The following SH3PXD2A variants were observed in gnomAD, a reference collection of about 807,000 sequenced individuals.
The protein encoded by SH3PXD2A is SH3 and PX domain-containing protein 2A.
SH3PXD2A carries 32 observed loss-of-function variants against 115.2 expected under a neutral mutation model. That is an observed-to-expected ratio of 0.28 (90% CI 0.21 to 0.37). SH3PXD2A has a LOEUF of 0.37. Among genes scored for constraint, SH3PXD2A ranks in the 10% least tolerant of loss-of-function variants. The pLI, the probability that SH3PXD2A is intolerant of heterozygous loss-of-function variation, is 1.00. For missense variants in SH3PXD2A, 1,328 were observed against 1,498.7 expected (o/e 0.89, Z 1.88); for synonymous variants, 610 against 629.1 (o/e 0.97, Z 0.45).
At chr10:103,664,677 T>TA (rs2037360864) in intron 7 of SH3PXD2A, among the ~76,000 whole-genome samples, 1 of 151,218 alleles carries the variant, frequency 6.6e-6, no homozygotes, top group Non-Finnish European at 1.5e-5. Flanking sequence ...TCTCTTTTTT[T>TA]TTTTTTTGAG....
chr10:103,701,274 A>C (rs2134142745), intron 5 of SH3PXD2A, among the ~76,000 whole-genome samples: 1 of 127,382 alleles, frequency 7.9e-6, no homozygotes, highest in Non-Finnish European at 1.6e-5. Flanking sequence ...TCCATCCATC[A>C]TCTATCCATT....
At chr10:103,735,866 C>T in intron 3 of SH3PXD2A, 58 bp from the exon 4 acceptor site, 1 of 1,299,562 alleles carries the variant, frequency 7.7e-7, no homozygotes, top group Non-Finnish European at 1.1e-6. Flanking sequence ...CAGAGACCTT[C>T]TCATTCCCCT....
At chr10:103,636,766 C>A (rs531030022) in intron 8 of SH3PXD2A, among the ~76,000 whole-genome samples, 4 of 152,228 alleles carry the variant, frequency 2.6e-5, no homozygotes, top group African/African-American at 9.6e-5. Context: ...GGGGAGACCC[C>A]CCACTCCTTC....
chr10:103,836,483 C>T (rs893843379), intron 1 of SH3PXD2A, among the ~76,000 whole-genome samples: 2 of 151,658 alleles, frequency 1.3e-5, no homozygotes, highest in Non-Finnish European at 2.9e-5. Flanking sequence ...CACAAACTCA[C>T]ACACAGACAC....
intron 8 of SH3PXD2A, among the ~76,000 whole-genome samples, chr10:103,647,250 T>G (rs542206484): frequency 2.9e-4 from 44 of 152,260 alleles, no homozygotes; most frequent in Non-Finnish European, 5.0e-4. Context: ...TAGATTGGAT[T>G]TGGATGTCTC....
intron 1 of SH3PXD2A, among the ~76,000 whole-genome samples, chr10:103,841,879 C>G (rs7915079): frequency 0.24 from 35,892 of 152,060 alleles, 4,389 homozygotes; most frequent in Admixed American, 0.24. Context: ...AATCCCAGCA[C>G]TCTGGGAGGC....
At chr10:103,614,063 C>T (rs2036470929) in intron 11 of SH3PXD2A, among the ~76,000 whole-genome samples, 1 of 151,220 alleles carries the variant, frequency 6.6e-6, no homozygotes, top group South Asian at 2.1e-4. Flanking sequence ...GGCTACATAG[C>T]AAGATCTCAT....
At chr10:103,659,405 T>C (rs909485145) in intron 8 of SH3PXD2A, among the ~76,000 whole-genome samples, 2 of 152,210 alleles carry the variant, frequency 1.3e-5, no homozygotes, top group Non-Finnish European at 2.9e-5. Context: ...CCTTTCCTGA[T>C]GCAAGCTCTA....
chr10:103,611,314 G>A (rs1322823941), intron 13 of SH3PXD2A, among the ~76,000 whole-genome samples: 1 of 152,222 alleles, frequency 6.6e-6, no homozygotes, highest in African/African-American at 2.4e-5. Flanking sequence ...AAATGTTTAT[G>A]TCTGCCAATG....
chr10:103,837,704 T>C (rs1366687414), intron 1 of SH3PXD2A, among the ~76,000 whole-genome samples: 1 of 152,150 alleles, frequency 6.6e-6, no homozygotes, highest in Non-Finnish European at 1.5e-5. Context: ...TCTCTGAGCC[T>C]TTCCTTGTCT....
chr10:103,852,482 A>G (rs1178357319), intron 1 of SH3PXD2A, among the ~76,000 whole-genome samples: 1 of 152,202 alleles, frequency 6.6e-6, no homozygotes, highest in Non-Finnish European at 1.5e-5. Flanking sequence ...CTGCTCTGCA[A>G]TTTACCAAAC....
intron 6 of SH3PXD2A, among the ~76,000 whole-genome samples, chr10:103,671,081 T>C (rs1334006428): frequency 6.6e-6 from 1 of 152,232 alleles, no homozygotes; most frequent in Non-Finnish European, 1.5e-5. Flanking sequence ...TGGGTTCCTT[T>C]TGGGTTCTTC....
intron 6 of SH3PXD2A, 38 bp from the exon 7 acceptor site, chr10:103,668,690 AG>A (rs2037417320): frequency 7.0e-7 from 1 of 1,425,194 alleles, no homozygotes; most frequent in African/African-American, 2.8e-5. Context: ...GCAGGAGAGG[AG>A]AACCAGAGAG....
Position 103,627,325 on chromosome 10 carries a change from G to A in SH3PXD2A, c.605-123C>T. The A allele has an allele frequency of 3.1e-6, 2 of 639,626 alleles. No homozygotes were observed. Among genetic ancestry groups the A allele is most frequent in the Non-Finnish European group, 5.6e-6 (2 of 359,038 alleles). 39.6% of individuals were successfully genotyped at this position (639,626 alleles called of 1,614,324 possible). On this transcript the variant is annotated intron_variant, in intron 8 of 14. Coordinates refer to ENST00000369774, the MANE Select transcript of SH3PXD2A (RefSeq NM_001394015.1). This position sits in a 1 kb window ranked among gnomAD's most constrained non-coding sequence, Gnocchi z 4.4. ...GCGGAGCATGGAGCCAGATGGCCTG[G>A]GGACCCAGCAAATGCCTGGCCCAGC...
intron 8 of SH3PXD2A, among the ~76,000 whole-genome samples, chr10:103,631,834 C>T (rs1317232898): frequency 2.0e-5 from 3 of 152,092 alleles, no homozygotes; most frequent in Non-Finnish European, 2.9e-5. Context: ...ATGTCAGTAG[C>T]GGTCAGGTGG....
intron 1 of SH3PXD2A, among the ~76,000 whole-genome samples, chr10:103,837,791 A>C (rs2039560031): frequency 1.3e-5 from 2 of 152,132 alleles, no homozygotes; most frequent in Admixed American, 1.3e-4. Context: ...AGCTCTGCAA[A>C]CTAGGACACA....
chr10:103,715,958 C>T (rs2038100375), intron 5 of SH3PXD2A, among the ~76,000 whole-genome samples: 1 of 152,216 alleles, frequency 6.6e-6, no homozygotes, highest in Non-Finnish European at 1.5e-5. Context: ...ACCTCTGTCC[C>T]CCTCACTGGA....
intron 1 of SH3PXD2A, among the ~76,000 whole-genome samples, chr10:103,832,916 A>G (rs776980115): frequency 2.6e-5 from 4 of 152,178 alleles, no homozygotes; most frequent in Admixed American, 6.5e-5. Context: ...ATAGAAGTAG[A>G]ACCACCAGGT....
Position 103,602,173 on chromosome 10 carries a change from G to A in SH3PXD2A, c.3045C>T (p.Asn1015=). 1 of 1,575,168 alleles carries A rather than the reference G, an allele frequency of 6.3e-7. No homozygotes were observed. Among genetic ancestry groups the A allele is most frequent in the South Asian group, 1.2e-5 (1 of 84,044 alleles). Residue 1015 remains asparagine, a synonymous_variant, in exon 15 of 15, where the codon AAC becomes AAT. Coordinates refer to ENST00000369774, the MANE Select transcript of SH3PXD2A (RefSeq NM_001394015.1). The part of the protein sequence containing the change: ...ATDGLRGVRR[N]SSFSTARSAA... ...CGGAGCGAGCAGTGCTAAAGGAGGA[G>A]TTCCGTCGGACGCCTCGGAGGCCAT...
Sources: gnomAD v4.1 joint callset for allele counts (sites outside exome capture counted in the v4.1 genomes callset) on GRCh38, gnomAD v4.1.1 for gene constraint, Gnocchi (gnomAD v3.1) non-coding constraint, MANE v1.5 for transcripts, NCBI Gene and HGNC (gene_info 2026-07-23, HGNC 2026-07-21) for gene names.